Variants in COBLL1 observed in about 807,000 individuals in gnomAD.
COBLL1 encodes the protein cordon-bleu WH2 repeat protein like 1, also known as cordon-bleu protein-like 1.
COBLL1 carries 50 observed loss-of-function variants against 94.8 expected under a neutral mutation model. That is an observed-to-expected ratio of 0.53 (90% CI 0.42 to 0.67). COBLL1 has a LOEUF of 0.67. COBLL1 is among the 30% of genes least tolerant of loss of function. The probability of loss-of-function intolerance (pLI) is 0.00; values close to 1 mark genes in which losing one functional copy is unlikely to be tolerated. For missense variants in COBLL1, 1,362 were observed against 1,348.7 expected (o/e 1.01, Z -0.15); for synonymous variants, 448 against 473.8 (o/e 0.95, Z 0.71).
chr2:164,682,911 AAAAAG>A lies in COBLL1; in HGVS notation c.*3030_*3034del. 6.6e-6 allele frequency: 1 copy of A among 151,976 alleles called. No individual in the cohort carries two copies. The allele number at this position is 151,976 out of a possible 1,614,324, so 9.4% of individuals were successfully genotyped here. ...AGAAATACGATCGATCTGTATGTGT[AAAAAG>A]AAAAGCTCTTCCAGAACACTGCTGG... On this transcript the variant is annotated 3_prime_UTR_variant, in exon 14 of 14. Coordinates refer to ENST00000652658, the MANE Select transcript of COBLL1 (RefSeq NM_001365672.2).
rs7607980 is a variant in COBLL1 at position 164,694,691 on chromosome 2, T to C, written c.2701A>G (p.Asn901Asp). ...APNPAPKELTNKEAERDMLPS... is the reference protein window; with the variant it reads ...APNPAPKELTDKEAERDMLPS... ...AGCATATCCCTTTCTGCCTCTTTAT[T>C]TGTCAGTTCTTTTGGAGCAGGATTA... Residue 901 changes from asparagine to aspartate, a missense_variant, in exon 12 of 14, where the codon AAT becomes GAT. Asn to Asp is a conservative substitution (Grantham distance 23). Coordinates refer to ENST00000652658, the MANE Select transcript of COBLL1 (RefSeq NM_001365672.2). 191,276 of 1,613,602 alleles carry C rather than the reference T, an allele frequency of 0.12. 11,983 individuals carry two copies. Among genetic ancestry groups the C allele is most frequent in the Middle Eastern group, 0.17 (1,021 of 6,050 alleles).
chr2:164,765,815 G>A (rs983611983), intron 2 of COBLL1, among the ~76,000 whole-genome samples: 2 of 152,128 alleles, frequency 1.3e-5, no homozygotes, highest in Non-Finnish European at 2.9e-5. Context: ...CCTAAATGAA[G>A]GTCGCTTTTG....
intron 2 of COBLL1, among the ~76,000 whole-genome samples, chr2:164,839,004 T>G (rs149450117): frequency 6.6e-6 from 1 of 152,188 alleles, no homozygotes; most frequent in Non-Finnish European, 1.5e-5. Context: ...AAATCTTATA[T>G]GACAGGCATT....
intron 2 of COBLL1, among the ~76,000 whole-genome samples, chr2:164,831,537 A>AT (rs199548571): frequency 0.011 from 1,628 of 150,276 alleles, 7 homozygotes; most frequent in African/African-American, 0.026. Context: ...CAGAAAAAAT[A>AT]TTTTTTTTTG....
chr2:164,702,458 G>A (rs1445739587), intron 9 of COBLL1, among the ~76,000 whole-genome samples: 1 of 149,440 alleles, frequency 6.7e-6, no homozygotes, highest in Non-Finnish European at 1.5e-5. Context: ...CAGCTACTCA[G>A]CAAGCTGAGG....
At chr2:164,730,153 T>C in intron 3 of COBLL1, 38 bp from the exon 4 acceptor site, 2 of 1,549,404 alleles carry the variant, frequency 1.3e-6, no homozygotes, top group South Asian at 2.2e-5. Flanking sequence ...GTTATTGTTT[T>C]GAGGATTTTC....
Position 164,829,094 on chromosome 2 carries a change from C to T in COBLL1, c.41+12062G>A, listed in dbSNP as rs1251182782. Among the ~76,000 whole-genome samples, 11 of 152,248 alleles carry T rather than the reference C, an allele frequency of 7.2e-5. No individual in the cohort carries two copies. In the East Asian group the frequency reaches 1.9e-3, roughly 27 times the overall value. On this transcript the variant is annotated intron_variant, in intron 2 of 13. Coordinates refer to ENST00000652658, the MANE Select transcript of COBLL1 (RefSeq NM_001365672.2). ...AAAATAACGAATAAATAACATGACC[C>T]ATAAATACCACTGGAAAGAACTGTC...
At chr2:164,687,213 C>CTTTTTTTT (rs879090827) in intron 13 of COBLL1, 1 of 317,722 alleles carries the variant, frequency 3.1e-6, no homozygotes, top group African/African-American at 2.4e-5. Context: ...GACTTTCTTT[C>CTTTTTTTT]TTTTTTTTTT....
rs1303437596 is a variant in COBLL1, at chr2:164,841,255, G to C, written c.-50-9C>G. ...CAGGCGGCGCGTCACTGCTGGGGTG[G>C]GAGAGGCCGGCGGGTCAGGGCGGGA... On this transcript the variant is annotated splice_polypyrimidine_tract_variant and intron_variant, in intron 1 of 13. Transcript: ENST00000652658. The surrounding 1 kb of genome is among the most constrained non-coding windows in gnomAD (Gnocchi z 5.5). The C allele has an allele frequency of 8.2e-7, 1 of 1,224,838 alleles. No individual in the cohort carries two copies. Among genetic ancestry groups the C allele is most frequent in the Non-Finnish European group, 1.0e-6 (1 of 983,798 alleles). The allele number at this position is 1,224,838 out of a possible 1,614,324, so 75.9% of individuals were successfully genotyped here.
intron 2 of COBLL1, among the ~76,000 whole-genome samples, chr2:164,824,891 G>T (rs1163876692): frequency 2.0e-5 from 3 of 152,092 alleles, no homozygotes; most frequent in Non-Finnish European, 4.4e-5. Flanking sequence ...TACTGGCTTT[G>T]TCAGTAAAGC....
downstream of COBLL1, among the ~76,000 whole-genome samples, chr2:164,678,449 C>T (rs1682897720): frequency 2.6e-5 from 4 of 152,042 alleles, no homozygotes; most frequent in African/African-American, 9.7e-5. Flanking sequence ...CAAAAAACTT[C>T]AGATGAATTC....
At chr2:164,725,968 G>A (rs1433169064) in intron 5 of COBLL1, among the ~76,000 whole-genome samples, 2 of 152,118 alleles carry the variant, frequency 1.3e-5, no homozygotes, top group Non-Finnish European at 1.5e-5. Flanking sequence ...AAAAAATAAG[G>A]AGGCAAGGGT....
At chr2:164,701,960 T>G (rs1684297627) in intron 9 of COBLL1, among the ~76,000 whole-genome samples, 1 of 152,020 alleles carries the variant, frequency 6.6e-6, no homozygotes, top group African/African-American at 2.4e-5. Context: ...TTCAGAAAAT[T>G]TAATTTAAAT....
At chr2:164,676,349 C>T (rs1325691357), downstream of COBLL1, among the ~76,000 whole-genome samples, 1 of 152,022 alleles carries the variant, frequency 6.6e-6, no homozygotes, top group African/African-American at 2.4e-5. Flanking sequence ...TATAATTGAT[C>T]TTGTAGATGT....
At chr2:164,821,279 G>T (rs527869653) in intron 2 of COBLL1, among the ~76,000 whole-genome samples, 57 of 152,272 alleles carry the variant, frequency 3.7e-4, no homozygotes, top group Non-Finnish European at 7.4e-4. Flanking sequence ...CTTTGAGAGA[G>T]AACACCTTCC....
intron 2 of COBLL1, among the ~76,000 whole-genome samples, chr2:164,840,482 G>T (rs1197316022): frequency 6.6e-6 from 1 of 151,644 alleles, no homozygotes; most frequent in African/African-American, 2.4e-5. Context: ...CTGGCAGGAA[G>T]ACATGCCTCA....
chr2:164,686,144 GTATCTAT>G, intron 13 of COBLL1, 112 bp from the exon 14 acceptor site: 1 of 517,814 alleles, frequency 1.9e-6, no homozygotes, highest in Non-Finnish European at 3.5e-6. Context: ...TAAATGATAA[GTATCTAT>G]TATTCAATAA....
At chr2:164,726,469 A>C (rs572077625) in intron 5 of COBLL1, among the ~76,000 whole-genome samples, 1 of 152,246 alleles carries the variant, frequency 6.6e-6, no homozygotes, top group Admixed American at 6.5e-5. Flanking sequence ...CTATGAAAGG[A>C]ATGTATGCCC....
chr2:164,732,606 T>G (rs1009853095), intron 3 of COBLL1, among the ~76,000 whole-genome samples: 1 of 152,244 alleles, frequency 6.6e-6, no homozygotes, highest in Admixed American at 6.5e-5. Flanking sequence ...TGCTGTTGTC[T>G]ATGAGTAAAT....
Sources: gnomAD v4.1 joint callset for allele counts (sites outside exome capture counted in the v4.1 genomes callset) on GRCh38, gnomAD v4.1.1 for gene constraint, Gnocchi (gnomAD v3.1) non-coding constraint, MANE v1.5 for transcripts, NCBI Gene and HGNC (gene_info 2026-07-23, HGNC 2026-07-21) for gene names.